The following GMDS variants were observed in gnomAD, a reference collection of about 807,000 sequenced individuals.
The protein encoded by GMDS is GDP-mannose 4,6-dehydratase, also known as GDP-mannose 4,6 dehydratase.
GMDS carries 20 observed loss-of-function variants against 49.9 expected under a neutral mutation model. The observed-to-expected ratio is 0.40, with a 90% confidence interval of 0.28 to 0.58. The LOEUF (loss-of-function observed/expected upper bound fraction) is 0.58. Among genes scored for constraint, GMDS ranks in the 20% least tolerant of loss-of-function variants. The pLI is 0.42. For synonymous variants in GMDS, 177 were observed against 178.6 expected, an observed-to-expected ratio of 0.99 and a Z score of 0.07; for missense variants, 362 against 481.4, an observed-to-expected ratio of 0.75 and a Z score of 2.32.
intron 1 of GMDS, among the ~76,000 whole-genome samples, chr6:2,144,749 A>T (rs1682442283): frequency 6.6e-6 from 1 of 152,176 alleles, no homozygotes; most frequent in Non-Finnish European, 1.5e-5. Context: ...AGAAAATAAA[A>T]ACCGTAAATA....
chr6:1,630,370 G>C (rs146115222), intron 9 of GMDS, among the ~76,000 whole-genome samples: 1 of 152,198 alleles, frequency 6.6e-6, no homozygotes, highest in Non-Finnish European at 1.5e-5. Flanking sequence ...CAGACCAGGC[G>C]GTTGCCCTGG....
intron 7 of GMDS, among the ~76,000 whole-genome samples, chr6:1,882,729 A>C (rs1759421202): frequency 6.6e-6 from 1 of 152,246 alleles, no homozygotes; most frequent in Non-Finnish European, 1.5e-5. Flanking sequence ...GTGGCCACAG[A>C]CAGGATATTT....
intron 1 of GMDS, among the ~76,000 whole-genome samples, chr6:2,243,066 T>C (rs538267706): frequency 1.3e-5 from 2 of 152,170 alleles, no homozygotes; most frequent in Non-Finnish European, 2.9e-5. Context: ...CAGAAGCCAA[T>C]GCAACACCAA....
chr6:1,647,255 A>C (rs1303872587), intron 9 of GMDS, among the ~76,000 whole-genome samples: 1 of 152,182 alleles, frequency 6.6e-6, no homozygotes, highest in Non-Finnish European at 1.5e-5. Flanking sequence ...GCAGTTATAG[A>C]ACATCTTATT....
At chr6:1,896,044 T>C (rs1265844231) in intron 7 of GMDS, among the ~76,000 whole-genome samples, 1 of 152,060 alleles carries the variant, frequency 6.6e-6, no homozygotes, top group Non-Finnish European at 1.5e-5. Context: ...AAAGAGGAAT[T>C]TCCTAAGGGC....
chr6:1,965,443 G>C (rs531717086), intron 4 of GMDS, among the ~76,000 whole-genome samples: 12 of 152,260 alleles, frequency 7.9e-5, no homozygotes, highest in Non-Finnish European at 1.6e-4. Context: ...GTTACAAAGT[G>C]TTTTACAATA....
At chr6:2,237,477 A>G (rs991056208) in intron 1 of GMDS, among the ~76,000 whole-genome samples, 20 of 152,178 alleles carry the variant, frequency 1.3e-4, no homozygotes, top group African/African-American at 4.8e-4. Flanking sequence ...CAAGAAAGGA[A>G]GAAAAGCATG....
At chr6:2,224,852 A>G (rs1387742132) in intron 1 of GMDS, among the ~76,000 whole-genome samples, 1 of 152,232 alleles carries the variant, frequency 6.6e-6, no homozygotes, top group Admixed American at 6.5e-5. Context: ...TGTGCCAGAC[A>G]CTGTGTCCTT....
At chr6:1,692,527 A>G (rs1007041006) in intron 9 of GMDS, among the ~76,000 whole-genome samples, 24 of 152,320 alleles carry the variant, frequency 1.6e-4, no homozygotes, top group South Asian at 6.2e-4. Flanking sequence ...GGGGACTCCA[A>G]TTACACACAT....
chr6:2,153,573 A>G (rs1442103986), intron 1 of GMDS, among the ~76,000 whole-genome samples: 1 of 152,208 alleles, frequency 6.6e-6, no homozygotes, highest in Non-Finnish European at 1.5e-5. Flanking sequence ...AAATGAACTC[A>G]TAAACAGATT....
At chr6:1,732,667 C>T (rs919856863) in intron 8 of GMDS, among the ~76,000 whole-genome samples, 2 of 152,168 alleles carry the variant, frequency 1.3e-5, no homozygotes, top group Non-Finnish European at 2.9e-5. Context: ...CAGTGTACCA[C>T]AGCAGAACAA....
intron 8 of GMDS, among the ~76,000 whole-genome samples, chr6:1,728,215 T>G (rs1766659750): frequency 6.6e-6 from 1 of 152,200 alleles, no homozygotes; most frequent in Non-Finnish European, 1.5e-5. Flanking sequence ...GGACAATTGG[T>G]TAAGTCATTA....
At chr6:2,209,775 T>TG (rs1779984298) in intron 1 of GMDS, among the ~76,000 whole-genome samples, 3 of 152,082 alleles carry the variant, frequency 2.0e-5, no homozygotes, top group Non-Finnish European at 4.4e-5. Flanking sequence ...AAATCTATCT[T>TG]CGGGGTTCTA....
chr6:1,805,574 G>A (rs1254328908), intron 7 of GMDS, among the ~76,000 whole-genome samples: 1 of 152,076 alleles, frequency 6.6e-6, no homozygotes, highest in African/African-American at 2.4e-5. Context: ...TTCTTTCACC[G>A]ATATACAGGA....
chr6:1,765,040 T>A (rs567942309), intron 7 of GMDS, among the ~76,000 whole-genome samples: 1 of 151,708 alleles, frequency 6.6e-6, no homozygotes, highest in Non-Finnish European at 1.5e-5. Flanking sequence ...CACATTTTTT[T>A]CCCCCCAGTG....
rs1398424879 is a variant in GMDS, at chr6:1,635,041, G to A, written c.988-10501C>T. 1.3e-5 allele frequency among the ~76,000 whole-genome samples: 2 copies of A among 152,300 alleles called. No homozygotes were observed. The highest frequency in any genetic ancestry group is 3.9e-4 in the East Asian group (2 of 5,186). The stretch of plus-strand genomic sequence containing the variant: ...GAAGTTCTCCTAGTGGAGTCTGCGT[G>A]TGCCTCTCACCACAGCCCTGCCAGC... On this transcript the variant is annotated intron_variant, in intron 9 of 10. Coordinates refer to ENST00000380815, the MANE Select transcript of GMDS (RefSeq NM_001500.4). The surrounding 1 kb of genome is among the most constrained non-coding windows in gnomAD (Gnocchi z 4.7).
intron 4 of GMDS, among the ~76,000 whole-genome samples, chr6:1,974,960 C>T (rs1300245319): frequency 6.6e-6 from 1 of 151,796 alleles, no homozygotes; most frequent in African/African-American, 2.4e-5. Context: ...ATTGCTTGAA[C>T]CCAGGAGGCA....
chr6:2,203,375 C>T (rs527331142), intron 1 of GMDS, among the ~76,000 whole-genome samples: 1 of 152,314 alleles, frequency 6.6e-6, no homozygotes, highest in East Asian at 1.9e-4. Context: ...GCTTTGCTGC[C>T]AGCTGTTATT....
At chr6:2,217,444 G>A (rs1008272954) in intron 1 of GMDS, among the ~76,000 whole-genome samples, 1 of 152,074 alleles carries the variant, frequency 6.6e-6, no homozygotes, top group Non-Finnish European at 1.5e-5. Context: ...ATTAAGTGAA[G>A]GTTTATGTTT....
Sources: gnomAD v4.1 joint callset for allele counts (sites outside exome capture counted in the v4.1 genomes callset) on GRCh38, gnomAD v4.1.1 for gene constraint, Gnocchi (gnomAD v3.1) non-coding constraint, MANE v1.5 for transcripts, NCBI Gene and HGNC (gene_info 2026-07-23, HGNC 2026-07-21) for gene names.